KLHL1: variants seen among roughly 807,000 people sequenced by gnomAD.
The protein encoded by KLHL1 is kelch like family member 1, also known as kelch-like protein 1.
A neutral mutation model predicts 77.7 loss-of-function variants in KLHL1; 47 were observed. The observed-to-expected ratio is 0.60, with a 90% CI of 0.48 to 0.77. The LOEUF is 0.77. Ranked by LOEUF, KLHL1 falls within the 30% of genes least tolerant of loss-of-function variation. KLHL1 has a pLI of 0.00. For synonymous variants in KLHL1, 360 were observed against 325.2 expected (o/e 1.11, Z -1.15); for missense variants, 925 against 910.8 (o/e 1.02, Z -0.20).
intron 6 of KLHL1, among the ~76,000 whole-genome samples, chr13:69,819,961 G>C (rs1368359986): frequency 6.6e-6 from 1 of 152,182 alleles, no homozygotes; most frequent in African/African-American, 2.4e-5. Flanking sequence ...CTTGCCAGCT[G>C]TCAATCAGTA....
intron 4 of KLHL1, among the ~76,000 whole-genome samples, chr13:69,900,233 T>G (rs1392893449): frequency 6.6e-6 from 1 of 152,112 alleles, no homozygotes; most frequent in Non-Finnish European, 1.5e-5. Context: ...CTTGGAAAAA[T>G]GAACCTATTT....
In KLHL1 at chr13:69,701,781, A is replaced by T. The variant is rs1875407884; in HGVS notation, c.2188-20T>A. ...AGCCATCTGTTAAAAAAGATGAAAC[A>T]CAACTTAAGACAAGTTTTCATAGAA... On this transcript the variant is annotated intron_variant, in intron 10 of 10. Coordinates refer to ENST00000377844, the MANE Select transcript of KLHL1 (RefSeq NM_020866.3). The T allele has an allele frequency of 1.3e-6, 2 of 1,533,532 alleles. No homozygotes were observed. Among genetic ancestry groups the T allele is most frequent in the South Asian group, 2.4e-5 (2 of 83,984 alleles). 95.0% of individuals were successfully genotyped at this position (1,533,532 alleles called of 1,614,324 possible).
At chr13:70,023,350 T>C (rs1171524594) in intron 1 of KLHL1, among the ~76,000 whole-genome samples, 1 of 151,970 alleles carries the variant, frequency 6.6e-6, no homozygotes, top group Non-Finnish European at 1.5e-5. Flanking sequence ...TCTGAAACAC[T>C]TGGTAGTGTG....
At chr13:69,969,911 A>C (rs1306614584) in intron 2 of KLHL1, among the ~76,000 whole-genome samples, 1 of 134,386 alleles carries the variant, frequency 7.4e-6, no homozygotes, top group African/African-American at 2.8e-5. Flanking sequence ...GGTCACTACA[A>C]ATTTATTTCC....
chr13:69,717,240 AATG>A (rs1485913899), intron 9 of KLHL1, among the ~76,000 whole-genome samples: 1 of 152,134 alleles, frequency 6.6e-6, no homozygotes, highest in Non-Finnish European at 1.5e-5. Flanking sequence ...TGCTATTTCT[AATG>A]ATGTTTGCCT....
intron 1 of KLHL1, among the ~76,000 whole-genome samples, chr13:69,996,326 A>G (rs1885152029): frequency 6.6e-6 from 1 of 152,040 alleles, no homozygotes; most frequent in Non-Finnish European, 1.5e-5. Flanking sequence ...AAAAAATTTA[A>G]AAAAGCCTTG....
chr13:69,782,911 A>C (rs1276439834), intron 7 of KLHL1, among the ~76,000 whole-genome samples: 1 of 152,140 alleles, frequency 6.6e-6, no homozygotes, highest in African/African-American at 2.4e-5. Flanking sequence ...AGGCACCCCC[A>C]AGTAGGGGCA....
chr13:70,051,076 G>A lies in KLHL1; in HGVS notation c.497+56127C>T, dbSNP rs1239813322. 3.9e-5 allele frequency among the ~76,000 whole-genome samples: 6 copies of A among 151,972 alleles called. No homozygotes were observed. In the East Asian group the frequency reaches 9.6e-4, roughly 24 times the overall value. Reference sequence around the variant, plus strand: ...TGCCCCTGGGAAAGATATTGGAAATGTCTAAATCACGGATTTCTACAAAAA... The same window carrying A: ...TGCCCCTGGGAAAGATATTGGAAATATCTAAATCACGGATTTCTACAAAAA... On this transcript the variant is annotated intron_variant, in intron 1 of 10. Transcript: ENST00000377844.
chr13:69,833,359 TCAA>T (rs2138098071), intron 6 of KLHL1, among the ~76,000 whole-genome samples: 1 of 152,002 alleles, frequency 6.6e-6, no homozygotes, highest in African/African-American at 2.4e-5. Flanking sequence ...GAAAAAATGC[TCAA>T]CATCACTAAT....
At chr13:69,913,034 A>G (rs1238077013) in intron 4 of KLHL1, among the ~76,000 whole-genome samples, 3 of 152,052 alleles carry the variant, frequency 2.0e-5, no homozygotes, top group Non-Finnish European at 2.9e-5. Flanking sequence ...TGACATCACC[A>G]TCTAGTCCCT....
chr13:69,735,117 C>T (rs765449742), intron 8 of KLHL1, among the ~76,000 whole-genome samples: 1 of 151,860 alleles, frequency 6.6e-6, no homozygotes, highest in African/African-American at 2.4e-5. Context: ...CAAATTACCA[C>T]ATAAACAGAT....
At chr13:69,744,381 T>C (rs1874113519) in intron 7 of KLHL1, among the ~76,000 whole-genome samples, 1 of 152,076 alleles carries the variant, frequency 6.6e-6, no homozygotes, top group South Asian at 2.1e-4. Flanking sequence ...TTTAATCCAT[T>C]CTGGTTACTA....
chr13:69,918,160 T>G (rs1377340150), intron 4 of KLHL1, among the ~76,000 whole-genome samples: 4 of 152,094 alleles, frequency 2.6e-5, no homozygotes, highest in Non-Finnish European at 5.9e-5. Context: ...CTTTGTGGTT[T>G]CATGATTGTT....
chr13:69,718,764 A>C (rs1198416821), intron 9 of KLHL1, among the ~76,000 whole-genome samples: 1 of 152,134 alleles, frequency 6.6e-6, no homozygotes, highest in Admixed American at 6.6e-5. Flanking sequence ...CCAAGGTGTC[A>C]TCCCACTCTA....
intron 4 of KLHL1, among the ~76,000 whole-genome samples, chr13:69,936,272 G>T (rs916968140): frequency 7.2e-5 from 11 of 152,074 alleles, no homozygotes; most frequent in African/African-American, 2.7e-4. Context: ...AGCTTAGAGG[G>T]TAGGTGTGGA....
intron 1 of KLHL1, among the ~76,000 whole-genome samples, chr13:70,031,749 C>T (rs1425071383): frequency 1.3e-5 from 2 of 152,074 alleles, no homozygotes; most frequent in Non-Finnish European, 2.9e-5. Flanking sequence ...TGTATTTCCT[C>T]CAGTTGTTCT....
chr13:69,961,665 C>G (rs1326517323), intron 2 of KLHL1, among the ~76,000 whole-genome samples: 3 of 151,970 alleles, frequency 2.0e-5, no homozygotes, highest in Non-Finnish European at 4.4e-5. Context: ...ATCACTTGAA[C>G]GATATTTTGT....
intron 3 of KLHL1, among the ~76,000 whole-genome samples, chr13:69,957,459 T>C (rs936125471): frequency 6.6e-6 from 1 of 151,734 alleles, no homozygotes; most frequent in Admixed American, 6.6e-5. Flanking sequence ...ATGAAAGTGA[T>C]ATGCATTCGC....
chr13:69,894,964 A>G, intron 4 of KLHL1: 1 of 478,876 alleles, frequency 2.1e-6, no homozygotes, highest in Non-Finnish European at 4.1e-6. Flanking sequence ...AAATGACAGA[A>G]TGCTGATGTA....
Sources: gnomAD v4.1 joint callset for allele counts (sites outside exome capture counted in the v4.1 genomes callset) on GRCh38, gnomAD v4.1.1 for gene constraint, MANE v1.5 for transcripts, NCBI Gene and HGNC (gene_info 2026-07-23, HGNC 2026-07-21) for gene names.